The following RBBP8 variants were observed in gnomAD, a reference collection of about 807,000 sequenced individuals.
RBBP8 encodes RB binding protein 8, endonuclease, also known as DNA endonuclease RBBP8.
In RBBP8, 88 loss-of-function variants were observed where a neutral mutation model predicts 108.3. The observed-to-expected ratio is 0.81, with a 90% CI of 0.68 to 0.97. The LOEUF is 0.97. Among genes scored for constraint, RBBP8 ranks in the 50% least tolerant of loss-of-function variants. RBBP8 has a pLI of 0.00. For synonymous variants in RBBP8, 332 were observed against 348.2 expected, an observed-to-expected ratio of 0.95 and a Z score of 0.52; for missense variants, 1,023 against 1,049.0, an observed-to-expected ratio of 0.98 and a Z score of 0.34.
rs1911470525 is a variant in RBBP8 at position 22,945,443 on chromosome 18, A to G, written c.110-1001A>G. Among the ~76,000 whole-genome samples, 7 of 151,876 alleles carry G rather than the reference A, an allele frequency of 4.6e-5. No individual in the cohort carries two copies. In the South Asian group the frequency reaches 1.5e-3, roughly 32 times the overall value. On this transcript the variant is annotated intron_variant, in intron 2 of 18. Transcript: ENST00000327155. ...GCTCTTGTTGCCCACGCTGGAGTGC[A>G]ATGGCGGGATCTCAGCTCACCGCAG... is the stretch of plus-strand genomic sequence containing the variant.
intron 4 of RBBP8, among the ~76,000 whole-genome samples, chr18:22,965,673 G>A (rs1321139014): frequency 6.6e-6 from 1 of 151,534 alleles, no homozygotes; most frequent in Non-Finnish European, 1.5e-5. Context: ...TCTGCTGCTG[G>A]GATGTCAAAG....
chr18:22,927,946 T>G (rs1327286414), intron 3 of RBBP8, among the ~76,000 whole-genome samples: 6 of 149,524 alleles, frequency 4.0e-5, no homozygotes, highest in Non-Finnish European at 7.4e-5. Flanking sequence ...TGGTGGCTCA[T>G]GCCTGTAATC....
intron 1 of RBBP8, among the ~76,000 whole-genome samples, chr18:22,936,048 A>G (rs1211810330): frequency 6.6e-6 from 1 of 152,230 alleles, no homozygotes; most frequent in Admixed American, 6.5e-5. Context: ...AGTCAAGACT[A>G]AGAATATTTT....
At chr18:22,928,452 A>G (rs1484998281), upstream of RBBP8, among the ~76,000 whole-genome samples, 1 of 152,116 alleles carries the variant, frequency 6.6e-6, no homozygotes, top group East Asian at 1.9e-4. Context: ...TTAAAAGAAT[A>G]AGAAAGATGA....
In RBBP8 at chr18:22,923,151, T is replaced by C. The variant is rs543739265; in HGVS notation, c.-154+6125T>C. Among the ~76,000 whole-genome samples, 4 of 152,286 alleles carry C rather than the reference T, an allele frequency of 2.6e-5. No individual in the cohort carries two copies. The East Asian group carries it at 7.7e-4, about 29-fold the overall frequency. ...ACAGTTTCTTACATATATATATATATCTTCTCTCTCTCATTTAATCCTATC... is the reference window on the plus strand; with the variant it reads ...ACAGTTTCTTACATATATATATATACCTTCTCTCTCTCATTTAATCCTATC... On this transcript the variant is annotated intron_variant, in intron 3 of 4. Transcript: ENST00000577588.
At chr18:22,956,319 TG>T (rs1170838840) in intron 4 of RBBP8, among the ~76,000 whole-genome samples, 1 of 152,168 alleles carries the variant, frequency 6.6e-6, no homozygotes. Flanking sequence ...TTTTTTCTTT[TG>T]TTTGGTCTTT....
chr18:23,015,715 A>C (rs139717688), intron 16 of RBBP8, among the ~76,000 whole-genome samples: 1 of 152,088 alleles, frequency 6.6e-6, no homozygotes, highest in Non-Finnish European at 1.5e-5. Context: ...TAAATAGACT[A>C]TCCTTTCCCC....
chr18:23,009,609 C>T (rs906016408), intron 16 of RBBP8, among the ~76,000 whole-genome samples: 5 of 151,298 alleles, frequency 3.3e-5, no homozygotes, highest in African/African-American at 9.7e-5. Flanking sequence ...ATAAATCTCA[C>T]GTCTATTCTT....
chr18:22,966,575 T>TAA (rs1324193536), intron 4 of RBBP8, among the ~76,000 whole-genome samples: 2 of 20,004 alleles, frequency 1.0e-4, no homozygotes, highest in Admixed American at 8.7e-4. Context: ...CCCATCTCAT[T>TAA]AAAAAAAAAA....
At chr18:22,931,227 T>C (rs1910012763), upstream of RBBP8, among the ~76,000 whole-genome samples, 1 of 150,706 alleles carries the variant, frequency 6.6e-6, no homozygotes, top group Admixed American at 6.6e-5. Context: ...GGGCAAAGAG[T>C]GGGGGTAGGT....
rs201529504 is a variant in RBBP8 at position 22,982,431 on chromosome 18, T to C, written c.604+38T>C. Reference sequence around the variant, plus strand: ...GTTGTATTTTAGTTCTCTGGTTTTGTAAACCAGTGTTCATCTACTAGTTTT... The same window carrying C: ...GTTGTATTTTAGTTCTCTGGTTTTGCAAACCAGTGTTCATCTACTAGTTTT... On this transcript the variant is annotated intron_variant, in intron 7 of 18. Transcript: ENST00000327155. The C allele has an allele frequency of 2.0e-4, 320 of 1,611,604 alleles. 1 individual carries two copies. In the African/African-American group the frequency reaches 3.8e-3, roughly 19 times the overall value.
chr18:23,019,826 A>T (rs1029712878), intron 17 of RBBP8, among the ~76,000 whole-genome samples: 2 of 144,950 alleles, frequency 1.4e-5, no homozygotes, highest in African/African-American at 5.1e-5. Flanking sequence ...CAGTGGCGCG[A>T]TTTCGGCTCA....
At chr18:23,022,005 T>C in intron 17 of RBBP8, 124 bp from the exon 18 acceptor site, 1 of 773,910 alleles carries the variant, frequency 1.3e-6, no homozygotes, top group Admixed American at 2.0e-5. Flanking sequence ...CAATGAGGAT[T>C]AAGTTTCCTT....
chr18:22,935,511 A>G (rs974791116), intron 1 of RBBP8, among the ~76,000 whole-genome samples: 2 of 152,134 alleles, frequency 1.3e-5, no homozygotes, highest in Non-Finnish European at 2.9e-5. Flanking sequence ...CAATTTTTGC[A>G]AAGCTTGATA....
chr18:23,017,533 A>T (rs2046279942), intron 17 of RBBP8, among the ~76,000 whole-genome samples: 1 of 150,472 alleles, frequency 6.6e-6, no homozygotes, highest in Non-Finnish European at 1.5e-5. Flanking sequence ...GGGCGCCTGT[A>T]GTCCCAGCTA....
intron 16 of RBBP8, among the ~76,000 whole-genome samples, chr18:23,007,752 A>C (rs1429148827): frequency 6.6e-6 from 1 of 151,028 alleles, no homozygotes; most frequent in Non-Finnish European, 1.5e-5. Flanking sequence ...ATTATGCTTC[A>C]GAATTATTTT....
At chr18:22,968,564 T>G (rs2144591158) in intron 4 of RBBP8, among the ~76,000 whole-genome samples, 1 of 152,342 alleles carries the variant, frequency 6.6e-6, no homozygotes, top group African/African-American at 2.4e-5. Flanking sequence ...CTTCAATAAA[T>G]AAGTTCCCTT....
At chr18:22,985,482 A>G (rs1437192246) in intron 8 of RBBP8, among the ~76,000 whole-genome samples, 1 of 152,196 alleles carries the variant, frequency 6.6e-6, no homozygotes, top group Non-Finnish European at 1.5e-5. Flanking sequence ...AAGGGCACCC[A>G]GGCAGAGAAA....
At chr18:22,925,637 G>A (rs917636767) in intron 3 of RBBP8, among the ~76,000 whole-genome samples, 1 of 152,206 alleles carries the variant, frequency 6.6e-6, no homozygotes, top group South Asian at 2.1e-4. Context: ...AAGATGCGAT[G>A]ATTTTTTCAC....
Sources: gnomAD v4.1 joint callset for allele counts (sites outside exome capture counted in the v4.1 genomes callset) on GRCh38, gnomAD v4.1.1 for gene constraint, MANE v1.5 for transcripts, NCBI Gene and HGNC (gene_info 2026-07-23, HGNC 2026-07-21) for gene names.